The following HLTF variants were observed in gnomAD, a reference collection of about 807,000 sequenced individuals.
HLTF encodes helicase like transcription factor.
Under a neutral mutation model 129.4 loss-of-function variants are expected in HLTF, and 127 were observed. That is an observed-to-expected ratio of 0.98 (90% CI 0.85 to 1.14). HLTF has a LOEUF of 1.14. HLTF is among the 50% of genes most tolerant of loss of function. The pLI is 0.00. For synonymous variants in HLTF, 332 were observed against 388.8 expected (o/e 0.85, Z 1.72); for missense variants, 1,139 against 1,187.1 (o/e 0.96, Z 0.60).
chr3:149,046,325 GA>G lies in HLTF; in HGVS notation c.1893-67del, dbSNP rs1331010070. On this transcript the variant is annotated intron_variant, in intron 17 of 24. Transcript: ENST00000310053. ...CTACATAAATTGATCCAAGAAGAAC[GA>G]AACAGAACATTTTAATTTGTTACTG... The G allele has an allele frequency of 5.9e-6, 5 of 853,042 alleles. No homozygotes were observed. The East Asian group carries it at 1.2e-4, about 20-fold the overall frequency. The allele number at this position is 853,042 out of a possible 1,614,324, so 52.8% of individuals were successfully genotyped here. A position where few individuals can be genotyped will look rare whatever the true frequency, so the allele number is the denominator to read the frequency against.
intron 24 of HLTF, among the ~76,000 whole-genome samples, chr3:149,032,858 G>A (rs1363722763): frequency 1.3e-5 from 2 of 151,440 alleles, no homozygotes; most frequent in Non-Finnish European, 2.9e-5. Context: ...AGCTACTCGG[G>A]AGGCTGAGGC....
Position 149,032,356 on chromosome 3 carries a change from G to C in HLTF, c.2894C>G (p.Ser965Cys), listed in dbSNP as rs200400145. ...TATTTTCAGCATATTTTCTTCAACA[G>C]AGTCCTTTACAATGAACTTTAAAAA... The part of the protein sequence containing the change: ...VIITKFIVKD[S>C]VEENMLKIQN... Residue 965 changes from serine to cysteine, a missense_variant, in exon 25 of 25, where the codon TCT (serine) becomes TGT (cysteine). Transcript: ENST00000310053. 673 of 1,554,508 alleles carry C rather than the reference G, an allele frequency of 4.3e-4. No homozygotes were observed. Among genetic ancestry groups the C allele is most frequent in the Non-Finnish European group, 5.5e-4 (631 of 1,149,372 alleles).
At chr3:149,037,583 G>T (rs555606876) in intron 23 of HLTF, among the ~76,000 whole-genome samples, 1 of 152,060 alleles carries the variant, frequency 6.6e-6, no homozygotes, top group African/African-American at 2.4e-5. Flanking sequence ...GAAGGATACC[G>T]TCAGTTGAGG....
Position 149,048,158 on chromosome 3 carries a change from G to C in HLTF, c.1762C>G (p.Pro588Ala). The change falls in exon 17 of 25, where the codon CCA becomes GCA. Residue 588 changes from proline to alanine, a missense_variant. By Grantham distance (27) the Pro-to-Ala change is conservative (BLOSUM62 -1). Transcript: ENST00000310053. ...SERRWVLTGT[P>A]IQNSLKDLWS... The stretch of plus-strand genomic sequence containing the variant: ...AAGTCCTTTAAAGAATTCTGGATTG[G>C]AGTACCTAGAAATAACAGGAAACTG... The C allele has an allele frequency of 6.2e-7, 1 of 1,603,984 alleles. No individual in the cohort carries two copies. The highest frequency in any genetic ancestry group is 8.5e-7 in the Non-Finnish European group (1 of 1,176,382).
Position 149,075,987 on chromosome 3 carries a change from C to T in HLTF, c.289G>A (p.Ala97Thr). The change falls in exon 3 of 25, where the codon GCA becomes ACA. Residue 97 changes from alanine (A) to threonine (T), a missense_variant. Coordinates refer to ENST00000310053, the MANE Select transcript of HLTF (RefSeq NM_003071.4). ...CCATTCACATTGTTTACTTTAATTG[C>T]ATTCTTATCATAAGGGTTATTAGGA... Reference protein sequence around the residue: ...RDPNNPYDKNAIKVNNVNGNQ... With the variant: ...RDPNNPYDKNTIKVNNVNGNQ... The T allele has an allele frequency of 6.4e-7, 1 of 1,559,282 alleles. No homozygotes were observed. Among genetic ancestry groups the T allele is most frequent in the Non-Finnish European group, 8.8e-7 (1 of 1,131,856 alleles).
At chr3:149,052,438 T>C (rs1312507652) in intron 14 of HLTF, among the ~76,000 whole-genome samples, 2 of 152,160 alleles carry the variant, frequency 1.3e-5, no homozygotes, top group African/African-American at 4.8e-5. Flanking sequence ...GGACTTTTAA[T>C]TTGTCATCTA....
At chr3:149,064,051 T>C (rs931802695) in intron 9 of HLTF, among the ~76,000 whole-genome samples, 1 of 152,152 alleles carries the variant, frequency 6.6e-6, no homozygotes, top group Non-Finnish European at 1.5e-5. Flanking sequence ...AGAAGGTATC[T>C]TCCATAAAAA....
chr3:149,079,591 GT>G (rs796281325), intron 2 of HLTF, among the ~76,000 whole-genome samples: 1 of 151,572 alleles, frequency 6.6e-6, no homozygotes, highest in African/African-American at 2.4e-5. Flanking sequence ...TTTTTTTGGG[GT>G]TTTCTTTGTT....
intron 14 of HLTF, among the ~76,000 whole-genome samples, chr3:149,054,668 T>C (rs7637603): frequency 0.34 from 51,152 of 151,862 alleles, 8,654 homozygotes; most frequent in African/African-American, 0.4. Flanking sequence ...AATGTCAATG[T>C]TTCAGAACAG....
chr3:149,035,131 A>T, intron 23 of HLTF, 133 bp from the exon 24 acceptor site: 1 of 694,392 alleles, frequency 1.4e-6, no homozygotes, highest in South Asian at 1.7e-5. Flanking sequence ...AGATACTAAC[A>T]TCACAAATAC....
intron 18 of HLTF, 130 bp from the exon 19 acceptor site, chr3:149,042,420 G>C: frequency 1.4e-6 from 1 of 735,896 alleles, no homozygotes. Context: ...ATGAAAAGCA[G>C]AAAAGCAACT....
At chr3:149,061,271 C>T (rs1035834918) in intron 10 of HLTF, among the ~76,000 whole-genome samples, 2 of 151,824 alleles carry the variant, frequency 1.3e-5, no homozygotes, top group African/African-American at 2.4e-5. Flanking sequence ...GATAGCCGGG[C>T]GTGGTGGTGG....
At chr3:149,033,095 C>A (rs144798918) in intron 24 of HLTF, among the ~76,000 whole-genome samples, 1 of 151,992 alleles carries the variant, frequency 6.6e-6, no homozygotes, top group East Asian at 1.9e-4. Context: ...TTAAAATACC[C>A]CAACTAGGAA....
At chr3:149,084,153 A>G (rs1720128590) in intron 2 of HLTF, among the ~76,000 whole-genome samples, 1 of 152,196 alleles carries the variant, frequency 6.6e-6, no homozygotes, top group South Asian at 2.1e-4. Flanking sequence ...AACTTAGGAA[A>G]TATTGTCTCT....
intron 23 of HLTF, among the ~76,000 whole-genome samples, chr3:149,036,830 G>T (rs1715677114): frequency 1.3e-5 from 2 of 152,024 alleles, no homozygotes; most frequent in African/African-American, 4.8e-5. Context: ...ATGTTTCTCG[G>T]ACCTGACTTT....
At position 149,035,318 on chromosome 3, in the gene HLTF, C is replaced by T. The variant is rs533447528; in HGVS notation, c.2797-320G>A. ...AAAAGAATCTATGTGTGCTTAACAG[C>T]AGAAAAAGGTTATACATCCTCTTAA... On this transcript the variant is annotated intron_variant, in intron 23 of 24. Transcript: ENST00000310053. 2.3e-3 allele frequency among the ~76,000 whole-genome samples: 354 copies of T among 151,662 alleles called. 2 individuals are homozygous for T. Among genetic ancestry groups the T allele is most frequent in the Non-Finnish European group, 3.5e-3 (236 of 67,900 alleles).
chr3:149,080,429 G>C (rs2108070131), intron 2 of HLTF, among the ~76,000 whole-genome samples: 1 of 152,236 alleles, frequency 6.6e-6, no homozygotes, highest in Admixed American at 6.5e-5. Flanking sequence ...TGACTCAAGA[G>C]ATTACAGCCA....
chr3:149,081,430 G>A (rs577852183), intron 2 of HLTF, among the ~76,000 whole-genome samples: 2 of 152,012 alleles, frequency 1.3e-5, no homozygotes, highest in South Asian at 4.2e-4. Flanking sequence ...TGCTCAAATC[G>A]CAAGTCCAAC....
chr3:149,039,026 A>C (rs752334805), intron 23 of HLTF, 23 bp downstream of exon 23: 1 of 1,431,754 alleles, frequency 7.0e-7, no homozygotes, highest in East Asian at 2.5e-5. Flanking sequence ...TAAGATTCTG[A>C]AAAAATTTAC....
Sources: gnomAD v4.1 joint callset for allele counts (sites outside exome capture counted in the v4.1 genomes callset) on GRCh38, gnomAD v4.1.1 for gene constraint, MANE v1.5 for transcripts, NCBI Gene and HGNC (gene_info 2026-07-23, HGNC 2026-07-21) for gene names.